MYH7B: variants seen among roughly 807,000 people sequenced by gnomAD.
MYH7B encodes myosin heavy chain 7B, also known as myosin-7B.
In MYH7B, 205 loss-of-function variants were observed where a neutral mutation model predicts 234.5. That is an observed-to-expected ratio of 0.87 (90% CI 0.78 to 0.98). The LOEUF (loss-of-function observed/expected upper bound fraction) is 0.98, where lower values mean the gene tolerates loss of function less well. Among genes scored for constraint, MYH7B ranks in the 50% least tolerant of loss-of-function variants. The pLI is 0.00. For synonymous variants in MYH7B, 1,193 were observed against 1,105.0 expected (o/e 1.08, Z -1.58); for missense variants, 2,652 against 2,633.4 (o/e 1.01, Z -0.15).
chr20:34,988,325 G>GCTTGTGGT, intron 19 of MYH7B, 63 bp downstream of exon 19: 1 of 1,537,684 alleles, frequency 6.5e-7, no homozygotes, highest in Non-Finnish European at 8.9e-7. Context: ...AAGCAGGGAT[G>GCTTGTGGT]GATGACCATG....
Position 34,999,706 on chromosome 20 carries a change from G to A in MYH7B, c.4665+11G>A. On this transcript the variant is annotated intron_variant, in intron 37 of 44. Coordinates refer to ENST00000262873, the Ensembl canonical transcript of MYH7B. ...CTGGAGGAGGCAGAGGTCAGGGGCT[G>A]GCTGCAGGGGTGGGTGGACACTGAC... 6.2e-7 allele frequency: 1 copy of A among 1,612,462 alleles called. No homozygotes were observed. The highest frequency in any genetic ancestry group is 8.5e-7 in the Non-Finnish European group (1 of 1,179,406).
At chr20:34,998,553 G>A (rs1253141724) in exon 34 of MYH7B, 1 of 1,613,738 alleles carries the variant, frequency 6.2e-7, no homozygotes. Flanking sequence ...TGTCTGATCA[G>A]TCAGCTGAGC....
chr20:34,986,265 C>A, intron 14 of MYH7B, 67 bp downstream of exon 14: 1 of 1,268,572 alleles, frequency 7.9e-7, no homozygotes, highest in Non-Finnish European at 1.1e-6. Context: ...GCTTCCTGGC[C>A]CCCATCAGGC....
At position 34,989,925 on chromosome 20, in the gene MYH7B, T is replaced by C. The variant is rs771330800; in HGVS notation, c.1767+6T>C. On this transcript the variant is annotated splice_donor_region_variant and intron_variant, in intron 20 of 44. Transcript: ENST00000262873. ...TGGTCCACTACGCAGGCGTGGTAGGTGCTTGCTGGAACCCCAGCCCTCGGC... is the reference window on the plus strand; with the variant it reads ...TGGTCCACTACGCAGGCGTGGTAGGCGCTTGCTGGAACCCCAGCCCTCGGC... 6.2e-7 allele frequency: 1 copy of C among 1,613,478 alleles called. No homozygotes were observed. The highest frequency in any genetic ancestry group is 8.5e-7 in the Non-Finnish European group (1 of 1,179,594).
chr20:34,979,565 C>G (rs1338939805), intron 6 of MYH7B, 69 bp downstream of exon 6: 2 of 1,599,312 alleles, frequency 1.3e-6, no homozygotes, highest in Admixed American at 1.7e-5. Context: ...GATCTGCCCT[C>G]TGGTTGAAGG....
intron 16 of MYH7B, 32 bp downstream of exon 16, chr20:34,987,319 C>T (rs1480819591): frequency 1.2e-6 from 2 of 1,606,424 alleles, no homozygotes; most frequent in Non-Finnish European, 8.5e-7. Context: ...TTCAACTTGA[C>T]CCAGACCTCA....
At position 34,977,085 on chromosome 20, in the gene MYH7B, T is replaced by C. The variant is rs1194103776; in HGVS notation, c.-121-547T>C. 1.9e-4 allele frequency among the ~76,000 whole-genome samples: 14 copies of C among 73,940 alleles called. No homozygotes were observed. In the South Asian group the frequency reaches 1.9e-3, roughly 10 times the overall value. The allele number at this position is 73,940 out of a possible 152,430, so 48.5% of individuals were successfully genotyped here. A position where few individuals can be genotyped will look rare whatever the true frequency, so the allele number is the denominator to read the frequency against. On this transcript the variant is annotated intron_variant, in intron 3 of 44. Coordinates refer to ENST00000262873, the Ensembl canonical transcript of MYH7B. Reference sequence around the variant, plus strand: ...CCCTCTCTCTCTCCCTCTCACTCCTTCTCTTTTTGATCTGTTCTTCTCCTT... The same window carrying C: ...CCCTCTCTCTCTCCCTCTCACTCCTCCTCTTTTTGATCTGTTCTTCTCCTT...
Position 34,956,012 on chromosome 20 carries a change from GCATAGCT to G in MYH7B, c.-337+11_-337+17del. The G allele has an allele frequency of 6.6e-6, 1 of 152,592 alleles. No individual in the cohort carries two copies. The highest frequency in any genetic ancestry group is 2.1e-4 in the South Asian group (1 of 4,826). 9.5% of individuals were successfully genotyped at this position (152,592 alleles called of 1,614,324 possible). ...GGGGTCGGCGGGGAGCTACGGGTAT[GCATAGCT>G]CATAGAGCGTCAGAGCTGACGACGA... On this transcript the variant is annotated splice_donor_region_variant and intron_variant, in intron 1 of 44. Transcript: ENST00000262873.
intron 9 of MYH7B, chr20:34,981,338 C>T (rs868268572): frequency 2.7e-5 from 11 of 414,512 alleles, no homozygotes; most frequent in Middle Eastern, 6.3e-4. Flanking sequence ...GAATCTCCCA[C>T]CTTGATCCTC....
chr20:35,001,117 C>T (rs778370371), exon 41 of MYH7B: 16 of 1,613,740 alleles, frequency 9.9e-6, no homozygotes, highest in Non-Finnish European at 1.4e-5. Context: ...ACAGGCCGCC[C>T]TCCGTGGCGG....
intron 2 of MYH7B, among the ~76,000 whole-genome samples, chr20:34,966,254 G>A (rs937415934): frequency 2.6e-5 from 4 of 152,190 alleles, no homozygotes; most frequent in East Asian, 1.9e-4. Flanking sequence ...ACAGGTGAAC[G>A]GTTCATCAAA....
At chr20:34,963,408 A>C (rs911496337) in intron 2 of MYH7B, among the ~76,000 whole-genome samples, 4 of 152,186 alleles carry the variant, frequency 2.6e-5, no homozygotes, top group South Asian at 2.1e-4. Context: ...GTCTATTTAA[A>C]TGTTTTCCTT....
At chr20:34,976,876 G>A (rs1271040964) in intron 3 of MYH7B, among the ~76,000 whole-genome samples, 1 of 152,170 alleles carries the variant, frequency 6.6e-6, no homozygotes, top group Non-Finnish European at 1.5e-5. Flanking sequence ...ATTCAAAACA[G>A]GCAAATCTCG....
chr20:34,968,930 G>T (rs111538559), intron 2 of MYH7B, among the ~76,000 whole-genome samples: 1 of 152,216 alleles, frequency 6.6e-6, no homozygotes, highest in Non-Finnish European at 1.5e-5. Context: ...TCTGGAAGCC[G>T]ATATGAGCAG....
chr20:34,965,430 G>A (rs372750331), intron 2 of MYH7B, among the ~76,000 whole-genome samples: 4 of 152,364 alleles, frequency 2.6e-5, no homozygotes, highest in Admixed American at 1.3e-4. Context: ...GCGAGAGGCC[G>A]CTGGGAAAGA....
At chr20:34,968,193 T>C (rs2081760452) in intron 2 of MYH7B, among the ~76,000 whole-genome samples, 1 of 152,226 alleles carries the variant, frequency 6.6e-6, no homozygotes, top group African/African-American at 2.4e-5. Flanking sequence ...AGCTTGTAAA[T>C]GGCAGAGCAA....
At chr20:34,987,078 CG>C (rs1341378466) in intron 15 of MYH7B, 70 bp from the exon 16 acceptor site, 3 of 1,608,832 alleles carry the variant, frequency 1.9e-6, no homozygotes, top group Non-Finnish European at 2.5e-6. Flanking sequence ...TGAATGGTCC[CG>C]GGGCAGTGCC....
rs746702906 is a variant in MYH7B, at chr20:34,995,456, G to A, written c.2821G>A (p.Ala941Thr). 5.0e-6 allele frequency: 8 copies of A among 1,613,582 alleles called. No homozygotes were observed. The highest frequency in any genetic ancestry group is 3.3e-5 in the South Asian group (3 of 91,062). Residue 941 changes from alanine to threonine, a missense_variant, in exon 28 of 45, where the codon GCT (alanine) becomes ACT (threonine). Coordinates refer to ENST00000262873, the Ensembl canonical transcript of MYH7B. ...GCTGGAGGATGAGGAGGAGGTGAAC[G>A]CTGACCTGGCCGCCCGCCGGCGCAA...
intron 5 of MYH7B, 70 bp downstream of exon 5, chr20:34,978,166 G>A: frequency 1.3e-6 from 2 of 1,581,540 alleles, no homozygotes; most frequent in African/African-American, 1.3e-5. Context: ...CAGGAATTGG[G>A]AGGGGTGGCA....
Sources: gnomAD v4.1 joint callset for allele counts (sites outside exome capture counted in the v4.1 genomes callset) on GRCh38, gnomAD v4.1.1 for gene constraint, MANE v1.5 for transcripts, NCBI Gene and HGNC (gene_info 2026-07-23, HGNC 2026-07-21) for gene names.